CREB5: variants seen among roughly 807,000 people sequenced by gnomAD.
CREB5 encodes cAMP responsive element binding protein 5.
CREB5 carries 19 observed loss-of-function variants against 57.1 expected under a neutral mutation model. The observed-to-expected ratio is 0.33, with a 90% CI of 0.23 to 0.49. The LOEUF (loss-of-function observed/expected upper bound fraction) is 0.49. CREB5 is among the 20% of genes least tolerant of loss of function. The pLI, the probability that CREB5 is intolerant of heterozygous loss-of-function variation, is 0.99. For missense variants in CREB5, 579 were observed against 671.6 expected (o/e 0.86, Z 1.52); for synonymous variants, 238 against 238.3 (o/e 1.00, Z 0.01).
chr7:28,560,901 C>CGTGTGTGTGTGTGT, intron 4 of CREB5, among the ~76,000 whole-genome samples: 1 of 21,650 alleles, frequency 4.6e-5, no homozygotes, highest in African/African-American at 1.4e-4. Flanking sequence ...TGTGTGCGTG[C>CGTGTGTGTGTGTGT]GCGCGTGCGT....
chr7:28,544,037 C>T (rs1794317477), intron 4 of CREB5, among the ~76,000 whole-genome samples: 1 of 151,554 alleles, frequency 6.6e-6, no homozygotes, highest in South Asian at 2.1e-4. Flanking sequence ...CTTCTTCCTA[C>T]ACCATAACTG....
chr7:28,332,211 G>A (rs757350156), intron 1 of CREB5, among the ~76,000 whole-genome samples: 9 of 152,174 alleles, frequency 5.9e-5, no homozygotes, highest in Admixed American at 2.0e-4. Flanking sequence ...AACTGGAAGC[G>A]ATTCTCCCGA....
At chr7:28,704,923 G>C (rs1438866132) in intron 5 of CREB5, among the ~76,000 whole-genome samples, 1 of 152,220 alleles carries the variant, frequency 6.6e-6, no homozygotes, top group Non-Finnish European at 1.5e-5. Context: ...GGCTGAGTCA[G>C]TAGACACTCT....
intron 5 of CREB5, among the ~76,000 whole-genome samples, chr7:28,711,424 T>C (rs1022709286): frequency 1.2e-4 from 19 of 152,192 alleles, no homozygotes; most frequent in African/African-American, 4.1e-4. Context: ...TTCTACTTCT[T>C]TGTGTCATTT....
chr7:28,767,264 T>C (rs1004001148), intron 7 of CREB5, among the ~76,000 whole-genome samples: 2 of 152,220 alleles, frequency 1.3e-5, no homozygotes, highest in South Asian at 2.1e-4. Context: ...ATTTTCATTG[T>C]AATTATGTGT....
At chr7:28,329,080 A>G (rs2127986100) in intron 1 of CREB5, among the ~76,000 whole-genome samples, 1 of 152,344 alleles carries the variant, frequency 6.6e-6, no homozygotes, top group South Asian at 2.1e-4. Context: ...CTCTCTGTTC[A>G]GAGGAATATC....
chr7:28,683,544 G>A (rs556935381), intron 5 of CREB5, among the ~76,000 whole-genome samples: 1 of 152,250 alleles, frequency 6.6e-6, no homozygotes, highest in East Asian at 1.9e-4. Context: ...CTGGGTCCTT[G>A]GCATTTGTCT....
chr7:28,450,065 C>T (rs1265243715), intron 1 of CREB5, among the ~76,000 whole-genome samples: 2 of 152,158 alleles, frequency 1.3e-5, no homozygotes, highest in African/African-American at 2.4e-5. Context: ...CCTACAATAA[C>T]AAGAGAAGCT....
chr7:28,754,944 A>T (rs1805209831), intron 7 of CREB5, among the ~76,000 whole-genome samples: 1 of 152,210 alleles, frequency 6.6e-6, no homozygotes, highest in Non-Finnish European at 1.5e-5. Flanking sequence ...AAACTTTCAC[A>T]CCTGAGGCCT....
rs532619930 is a variant in CREB5, at chr7:28,790,746, C to G, written c.703-13453C>G. Among the ~76,000 whole-genome samples, 3 of 152,320 alleles carry G rather than the reference C, an allele frequency of 2.0e-5. No homozygotes were observed. The South Asian group carries it at 6.2e-4, about 32-fold the overall frequency. The stretch of plus-strand genomic sequence containing the variant: ...GTCACTAAATGCAGAAGGCCCTTCC[C>G]CTGGTAAGTTGAGCTTCACCTTTGT... On this transcript the variant is annotated intron_variant, in intron 7 of 10. Transcript: ENST00000357727.
intron 1 of CREB5, among the ~76,000 whole-genome samples, chr7:28,476,099 G>T (rs1791058428): frequency 6.6e-6 from 1 of 152,198 alleles, no homozygotes; most frequent in Non-Finnish European, 1.5e-5. Flanking sequence ...AAGCTTATAG[G>T]TTGGCTGGTA....
chr7:28,433,885 T>C (rs112152729), intron 1 of CREB5, among the ~76,000 whole-genome samples: 4,727 of 151,812 alleles, frequency 0.031, 216 homozygotes, highest in African/African-American at 0.1. Flanking sequence ...CTCTTTCGTC[T>C]ACTGTAATAA....
chr7:28,458,207 G>T (rs1452449332), intron 1 of CREB5, among the ~76,000 whole-genome samples: 3 of 152,220 alleles, frequency 2.0e-5, no homozygotes, highest in Non-Finnish European at 2.9e-5. Flanking sequence ...TGCCTAGCAA[G>T]ATGCCTGACC....
intron 1 of CREB5, among the ~76,000 whole-genome samples, chr7:28,414,620 C>T (rs1344484687): frequency 6.6e-6 from 1 of 152,050 alleles, no homozygotes; most frequent in Non-Finnish European, 1.5e-5. Flanking sequence ...TGTGGCAATG[C>T]TTTAAATACA....
chr7:28,610,364 A>G (rs1324729873), intron 5 of CREB5, among the ~76,000 whole-genome samples: 1 of 152,146 alleles, frequency 6.6e-6, no homozygotes, highest in Non-Finnish European at 1.5e-5. Flanking sequence ...AATTATAAGC[A>G]CCACACAACC....
At chr7:28,622,535 C>G (rs1179549452) in intron 5 of CREB5, among the ~76,000 whole-genome samples, 1 of 152,194 alleles carries the variant, frequency 6.6e-6, no homozygotes, top group Non-Finnish European at 1.5e-5. Flanking sequence ...TATTAGCTGA[C>G]ATTTCTTAAA....
chr7:28,624,085 T>G (rs1429216296), intron 5 of CREB5, among the ~76,000 whole-genome samples: 1 of 152,172 alleles, frequency 6.6e-6, no homozygotes, highest in Non-Finnish European at 1.5e-5. Flanking sequence ...GTATTCAACC[T>G]AAACCAGATA....
intron 7 of CREB5, among the ~76,000 whole-genome samples, chr7:28,796,131 G>C (rs529703456): frequency 5.9e-5 from 9 of 152,034 alleles, no homozygotes; most frequent in Non-Finnish European, 1.3e-4. Flanking sequence ...TCTTTGTCTA[G>C]TTCCATAATA....
At position 28,494,939 on chromosome 7, in the gene CREB5, A is replaced by G. The variant is rs1379780835; in HGVS notation, c.109A>G (p.Arg37Gly). Residue 37 changes from arginine (R) to glycine (G), a missense_variant, in exon 3 of 11, where the codon AGG becomes GGG. Coordinates refer to ENST00000357727, the MANE Select transcript of CREB5 (RefSeq NM_182898.4). ...FPTEDHLMIH[R>G]HKHEMTLKFP... ...AACAGAGGACCATCTGATGATTCAT[A>G]GGCACAAACATGAAATGACTTTGAA... 6.2e-7 allele frequency: 1 copy of G among 1,608,316 alleles called. No homozygotes were observed. The highest frequency in any genetic ancestry group is 2.2e-5 in the East Asian group (1 of 44,702).
Sources: allele counts gnomAD v4.1 joint callset (sites outside exome capture counted in the v4.1 genomes callset), GRCh38; gene constraint gnomAD v4.1.1; transcripts MANE v1.5; gene names NCBI Gene and HGNC (gene_info 2026-07-23, HGNC 2026-07-21).